The following CDH12 variants were observed in gnomAD, a reference collection of about 807,000 sequenced individuals.
The protein encoded by CDH12 is cadherin 12, also known as cadherin-12.
In CDH12, 41 loss-of-function variants were observed where a neutral mutation model predicts 74.1. The observed-to-expected ratio is 0.55, with a 90% CI of 0.43 to 0.72. CDH12 has a LOEUF of 0.72. CDH12 is among the 30% of genes least tolerant of loss of function. The pLI is 0.00. For missense variants in CDH12, 945 were observed against 977.2 expected (o/e 0.97, Z 0.44); for synonymous variants, 399 against 355.0 (o/e 1.12, Z -1.39).
intron 6 of CDH12, among the ~76,000 whole-genome samples, chr5:21,953,949 C>T (rs921854580): frequency 6.1e-4 from 93 of 151,840 alleles, no homozygotes; most frequent in African/African-American, 2.1e-3. Flanking sequence ...AATACATAAC[C>T]AAATAGACAC....
intron 3 of CDH12, among the ~76,000 whole-genome samples, chr5:22,272,640 T>A (rs530917208): frequency 6.6e-6 from 1 of 152,212 alleles, no homozygotes; most frequent in South Asian, 2.1e-4. Flanking sequence ...TAGAGGTTAT[T>A]GTAGGGTTAT....
chr5:22,818,790 T>C (rs1320554999), intron 1 of CDH12, among the ~76,000 whole-genome samples: 7 of 152,144 alleles, frequency 4.6e-5, no homozygotes, highest in African/African-American at 1.7e-4. Context: ...GTTTCTGAAA[T>C]ATGCCTAGAA....
At chr5:22,740,364 T>A (rs1375701215) in intron 1 of CDH12, among the ~76,000 whole-genome samples, 1 of 151,984 alleles carries the variant, frequency 6.6e-6, no homozygotes, top group African/African-American at 2.4e-5. Flanking sequence ...TGTTCTTTTA[T>A]AGACACATGA....
chr5:22,207,899 T>A (rs1751308265), intron 4 of CDH12, among the ~76,000 whole-genome samples: 3 of 152,206 alleles, frequency 2.0e-5, no homozygotes, highest in Admixed American at 1.3e-4. Context: ...CAGCTAATAA[T>A]AAGGTTCCCT....
intron 1 of CDH12, among the ~76,000 whole-genome samples, chr5:22,573,803 C>A (rs1371268050): frequency 6.6e-6 from 1 of 151,978 alleles, no homozygotes; most frequent in Non-Finnish European, 1.5e-5. Flanking sequence ...TCCCAGAAAT[C>A]CACAATATGA....
At chr5:22,292,015 C>T (rs1737408033) in intron 3 of CDH12, among the ~76,000 whole-genome samples, 1 of 152,082 alleles carries the variant, frequency 6.6e-6, no homozygotes, top group African/African-American at 2.4e-5. Flanking sequence ...GACTCAAAAA[C>T]TAATGGAAAA....
chr5:22,359,494 C>T (rs1740707821), intron 3 of CDH12, among the ~76,000 whole-genome samples: 1 of 152,056 alleles, frequency 6.6e-6, no homozygotes, highest in Admixed American at 6.6e-5. Context: ...GACTTCAACA[C>T]CCCACTGTCA....
intron 3 of CDH12, among the ~76,000 whole-genome samples, chr5:22,331,787 C>G (rs1289220310): frequency 1.3e-5 from 2 of 152,074 alleles, no homozygotes; most frequent in Non-Finnish European, 2.9e-5. Context: ...ATTCAGAATT[C>G]CATTAGATAC....
intron 4 of CDH12, among the ~76,000 whole-genome samples, chr5:22,102,607 T>A (rs1425148942): frequency 3.9e-5 from 6 of 152,058 alleles, no homozygotes; most frequent in African/African-American, 1.4e-4. Context: ...AGGCGTAGGT[T>A]GCAGTCATCG....
chr5:21,777,259 T>C (rs188664053), intron 11 of CDH12, among the ~76,000 whole-genome samples: 109 of 152,256 alleles, frequency 7.2e-4, no homozygotes, highest in East Asian at 1.2e-3. Context: ...TGAGCATAGA[T>C]AGAAATCTAC....
At chr5:22,025,743 T>C (rs1392793398) in intron 5 of CDH12, among the ~76,000 whole-genome samples, 2 of 152,190 alleles carry the variant, frequency 1.3e-5, no homozygotes, top group African/African-American at 2.4e-5. Flanking sequence ...GCCTCCCCTT[T>C]ATGAACTCAG....
intron 2 of CDH12, among the ~76,000 whole-genome samples, chr5:22,478,496 A>C (rs923735458): frequency 6.6e-6 from 1 of 152,092 alleles, no homozygotes; most frequent in Non-Finnish European, 1.5e-5. Context: ...TCTAGTAAAC[A>C]ACCTTTACCA....
chr5:22,561,058 T>G (rs1479116087), intron 1 of CDH12, among the ~76,000 whole-genome samples: 1 of 152,182 alleles, frequency 6.6e-6, no homozygotes, highest in Non-Finnish European at 1.5e-5. Flanking sequence ...TGAAATTGAT[T>G]AAAGCATATT....
chr5:22,535,865 C>A (rs982978714), intron 1 of CDH12, among the ~76,000 whole-genome samples: 7 of 152,168 alleles, frequency 4.6e-5, no homozygotes, highest in African/African-American at 1.4e-4. Context: ...TGGATTCAAC[C>A]AACCACAGAT....
intron 3 of CDH12, among the ~76,000 whole-genome samples, chr5:22,342,309 C>G (rs1030216198): frequency 8.5e-5 from 13 of 152,118 alleles, no homozygotes; most frequent in African/African-American, 3.1e-4. Flanking sequence ...TACTGTATCA[C>G]CAGTTAATCA....
intron 5 of CDH12, among the ~76,000 whole-genome samples, chr5:22,054,516 A>G (rs1327699038): frequency 1.3e-5 from 2 of 152,162 alleles, no homozygotes; most frequent in Non-Finnish European, 2.9e-5. Flanking sequence ...ATATGCAGAT[A>G]TATGGTAAAG....
chr5:22,044,631 G>A (rs894626232), intron 5 of CDH12, among the ~76,000 whole-genome samples: 16 of 152,280 alleles, frequency 1.1e-4, no homozygotes, highest in Non-Finnish European at 1.3e-4. Flanking sequence ...TATCAGAGAA[G>A]AATAGCACGC....
intron 2 of CDH12, among the ~76,000 whole-genome samples, chr5:22,484,421 C>G (rs1002548261): frequency 1.3e-5 from 2 of 152,108 alleles, no homozygotes; most frequent in Admixed American, 6.5e-5. Flanking sequence ...TGAACTCTGT[C>G]TCCCAACTCT....
chr5:22,183,861 A>C (rs1161082937), intron 4 of CDH12, among the ~76,000 whole-genome samples: 1 of 152,228 alleles, frequency 6.6e-6, no homozygotes, highest in Non-Finnish European at 1.5e-5. Flanking sequence ...GCAGTGATAC[A>C]GTCAGAAATA....
Sources: gnomAD v4.1 joint callset for allele counts (sites outside exome capture counted in the v4.1 genomes callset) on GRCh38, gnomAD v4.1.1 for gene constraint, MANE v1.5 for transcripts, NCBI Gene and HGNC (gene_info 2026-07-23, HGNC 2026-07-21) for gene names.